Variants in OR4A16 observed in about 807,000 individuals in gnomAD.
The protein encoded by OR4A16 is olfactory receptor family 4 subfamily A member 16, also known as olfactory receptor 4A16.
For missense variants in OR4A16, 594 were observed against 390.9 expected, an observed-to-expected ratio of 1.52 and a Z score of -4.38; for synonymous variants, 210 against 138.6, an observed-to-expected ratio of 1.51 and a Z score of -3.62.
chr11:55,343,283 T>A lies in OR4A16; in HGVS notation c.83T>A (p.Met28Lys), dbSNP rs1853448507. ...DPDVKKTLFVMFLLIYIVTMV... is the reference protein window; with the variant it reads ...DPDVKKTLFVKFLLIYIVTMV... ...GATGTGAAAAAAACATTATTTGTCA[T>A]GTTTTTACTCATATACATTGTGACA... Residue 28 changes from methionine (M) to lysine (K), a missense_variant, in exon 1 of 1, where the codon ATG becomes AAG. Physicochemically the swap from Met to Lys is moderately conservative, Grantham distance 95. Coordinates refer to ENST00000314721, the MANE Select transcript of OR4A16 (RefSeq NM_001005274.1). 6.8e-6 allele frequency: 11 copies of A among 1,613,554 alleles called. No homozygotes were observed. The highest frequency in any genetic ancestry group is 9.3e-6 in the Non-Finnish European group (11 of 1,179,728).
rs147217176 is a variant in OR4A16 at position 55,343,402 on chromosome 11, G to T, written c.202G>T (p.Asp68Tyr). The T allele has an allele frequency of 2.5e-6, 4 of 1,613,844 alleles. No individual in the cohort carries two copies. Among genetic ancestry groups the T allele is most frequent in the Non-Finnish European group, 3.4e-6 (4 of 1,179,852 alleles). ...CTTCCTTGCCTACTTGTCACTTATG[G>T]ATGCCATATATTCCACTGCCATGTC... is the stretch of plus-strand genomic sequence containing the variant. ...YFFLAYLSLM[D>Y]AIYSTAMSPK... is the part of the protein sequence containing the mutation. Residue 68 changes from aspartate (D) to tyrosine (Y), a missense_variant, in exon 1 of 1, where the codon GAT (aspartate) becomes TAT (tyrosine). Physicochemically the swap from Asp to Tyr is radical, Grantham distance 160. Coordinates refer to ENST00000314721, the MANE Select transcript of OR4A16 (RefSeq NM_001005274.1).
Position 55,344,174 on chromosome 11 carries a change from C to T in OR4A16, c.974C>T (p.Thr325Ile), listed in dbSNP as rs776827498. The change falls in exon 1 of 1, where the codon ACA becomes ATA. Residue 325 changes from threonine (T) to isoleucine (I), a missense_variant. Physicochemically the swap from Thr to Ile is moderately conservative, Grantham distance 89 (BLOSUM62 -1). Transcript: ENST00000314721. ...LNIFIPSSKA[T>I]NRR ...ATATTTATTCCTAGTTCTAAGGCAA[C>T]AAATAGGCGGTAAAATACTGCAGTC... 3 of 1,578,512 alleles carry T rather than the reference C, an allele frequency of 1.9e-6. No homozygotes were observed. The highest frequency in any genetic ancestry group is 1.7e-6 in the Non-Finnish European group (2 of 1,169,714).
Position 55,344,013 on chromosome 11 carries a change from G to A in OR4A16, c.813G>A (p.Val271=). Residue 271 remains valine (V), a synonymous_variant, in exon 1 of 1, where the codon GTG becomes GTA. Coordinates refer to ENST00000314721, the MANE Select transcript of OR4A16 (RefSeq NM_001005274.1). ...SNFPFDKLMT[V]FYSIITLMLN... ...TTCCCTTTGATAAATTAATGACTGT[G>A]TTTTATTCAATTATCACACTCATGT... is the stretch of plus-strand genomic sequence containing the variant. 2.5e-6 allele frequency: 4 copies of A among 1,612,626 alleles called. No homozygotes were observed. In the South Asian group the frequency reaches 3.3e-5, roughly 13 times the overall value.
rs139070294 is a variant in OR4A16, at chr11:55,343,476, G to T, written c.276G>T (p.Leu92Phe). The T allele has an allele frequency of 1.2e-6, 2 of 1,613,752 alleles. No homozygotes were observed. The highest frequency in any genetic ancestry group is 1.7e-6 in the Non-Finnish European group (2 of 1,179,894). ...TCTGTGATAAAATCGCTATTTCCTT[G>T]TCAGCTTGCATGGGTCAGCTCTTCA... is the stretch of plus-strand genomic sequence containing the variant. Reference protein sequence around the residue: ...DLLCDKIAISLSACMGQLFIE... With the variant: ...DLLCDKIAISFSACMGQLFIE... Residue 92 changes from leucine to phenylalanine, a missense_variant, in exon 1 of 1, where the codon TTG (leucine) becomes TTT (phenylalanine). By Grantham distance (22) the Leu-to-Phe change is conservative. Transcript: ENST00000314721.
chr11:55,344,047 T>A lies in OR4A16; in HGVS notation c.847T>A (p.Leu283Ile). The A allele has an allele frequency of 6.2e-7, 1 of 1,612,854 alleles. No homozygotes were observed. Among genetic ancestry groups the A allele is most frequent in the Non-Finnish European group, 8.5e-7 (1 of 1,179,206 alleles). The change falls in exon 1 of 1, where the codon TTA becomes ATA. Residue 283 changes from leucine to isoleucine, a missense_variant. Leu to Ile is a conservative substitution (Grantham distance 5, BLOSUM62 2). Transcript: ENST00000314721. ...YSIITLMLNP[L>I]IYSLRQSEMK... ...AATTATCACACTCATGTTGAATCCT[T>A]TAATATACTCGTTGAGACAATCAGA...
Position 55,343,745 on chromosome 11 carries a change from T to C in OR4A16, c.545T>C (p.Leu182Ser). ...CACTCTGTCTGTGACATGTACCCAT[T>C]GTTGGAACTGTTGTGCCTTGACACC... ...IDHSVCDMYP[L>S]LELLCLDTYF... The change falls in exon 1 of 1, where the codon TTG becomes TCG. Residue 182 changes from leucine to serine, a missense_variant. Leu to Ser is a moderately radical substitution (Grantham distance 145, BLOSUM62 -2). Transcript: ENST00000314721. The C allele has an allele frequency of 2.5e-6, 4 of 1,613,824 alleles. No individual in the cohort carries two copies. Among genetic ancestry groups the C allele is most frequent in the Non-Finnish European group, 3.4e-6 (4 of 1,179,814 alleles).
At position 55,343,739 on chromosome 11, in the gene OR4A16, A is replaced by G. The variant is rs751869056; in HGVS notation, c.539A>G (p.Tyr180Cys). The change falls in exon 1 of 1, where the codon TAC becomes TGC. Residue 180 changes from tyrosine (Y) to cysteine (C), a missense_variant. By Grantham distance (194) the Tyr-to-Cys change is radical (BLOSUM62 -2). Coordinates refer to ENST00000314721, the MANE Select transcript of OR4A16 (RefSeq NM_001005274.1). ...ATTGACCACTCTGTCTGTGACATGT[A>G]CCCATTGTTGGAACTGTTGTGCCTT... Reference protein sequence around the residue: ...NVIDHSVCDMYPLLELLCLDT... With the variant: ...NVIDHSVCDMCPLLELLCLDT... 47 of 1,613,676 alleles carry G rather than the reference A, an allele frequency of 2.9e-5. No homozygotes were observed. The highest frequency in any genetic ancestry group is 4.0e-5 in the Non-Finnish European group (47 of 1,179,830).
rs1310750582 is a variant in OR4A16, at chr11:55,343,648, G to A, written c.448G>A (p.Gly150Ser). 5.6e-6 allele frequency: 9 copies of A among 1,613,698 alleles called. No individual in the cohort carries two copies. Among genetic ancestry groups the A allele is most frequent in the African/African-American group, 4.0e-5 (3 of 74,876 alleles). The part of the protein sequence containing the change: ...ILLLVVAMIG[G>S]FVHSVVQIVF... ...TCTGTTGGTGGTGGCCATGATTGGA[G>A]GTTTTGTGCACTCTGTGGTTCAAAT... The change falls in exon 1 of 1, where the codon GGT (glycine) becomes AGT (serine). Residue 150 changes from glycine (G) to serine (S), a missense_variant. Gly to Ser is a moderately conservative substitution (Grantham distance 56). Coordinates refer to ENST00000314721, the MANE Select transcript of OR4A16 (RefSeq NM_001005274.1).
At position 55,343,507 on chromosome 11, in the gene OR4A16, CACTT is replaced by C. The variant is rs750255280; in HGVS notation, c.312_315del (p.Leu105ValfsTer10). The C allele has an allele frequency of 2.5e-6, 4 of 1,613,916 alleles. No homozygotes were observed. Among genetic ancestry groups the C allele is most frequent in the Non-Finnish European group, 3.4e-6 (4 of 1,179,892 alleles). ...TTGCATGGGTCAGCTCTTCATAGAACACTTACTTGGTGGTGCAGAGGTCTTCCTT... is the reference window on the plus strand; with the variant it reads ...TTGCATGGGTCAGCTCTTCATAGAACACTTGGTGGTGCAGAGGTCTTCCTT... On this transcript the variant is annotated frameshift_variant, in exon 1 of 1. Coordinates refer to ENST00000314721, the MANE Select transcript of OR4A16 (RefSeq NM_001005274.1). LOFTEE classifies it low-confidence loss of function (END_TRUNC).
chr11:55,343,477 T>A lies in OR4A16; in HGVS notation c.277T>A (p.Ser93Thr). 1 of 1,613,976 alleles carries A rather than the reference T, an allele frequency of 6.2e-7. No individual in the cohort carries two copies. The highest frequency in any genetic ancestry group is 1.1e-5 in the South Asian group (1 of 91,082). ...LLCDKIAISL[S>T]ACMGQLFIEH... is the part of the protein sequence containing the mutation. ...CTGTGATAAAATCGCTATTTCCTTG[T>A]CAGCTTGCATGGGTCAGCTCTTCAT... Residue 93 changes from serine to threonine, a missense_variant, in exon 1 of 1, where the codon TCA (serine) becomes ACA (threonine). Coordinates refer to ENST00000314721, the MANE Select transcript of OR4A16 (RefSeq NM_001005274.1).
Position 55,343,385 on chromosome 11 carries a change from C to T in OR4A16, c.185C>T (p.Ala62Val). 6.3e-7 allele frequency: 1 copy of T among 1,597,992 alleles called. No individual in the cohort carries two copies. The change falls in exon 1 of 1, where the codon GCC becomes GTC. Residue 62 changes from alanine to valine, a missense_variant. Transcript: ENST00000314721. ...GGCTCCCTAATGTACTTCTTCCTTG[C>T]CTACTTGTCACTTATGGATGCCATA... Reference protein sequence around the residue: ...SLGSLMYFFLAYLSLMDAIYS... With the variant: ...SLGSLMYFFLVYLSLMDAIYS...
In OR4A16 at chr11:55,343,859, TA is replaced by T; in HGVS notation, c.662del (p.Asn221ThrfsTer48). 6.2e-7 allele frequency: 1 copy of T among 1,613,742 alleles called. No homozygotes were observed. The highest frequency in any genetic ancestry group is 8.5e-7 in the Non-Finnish European group (1 of 1,179,854). The stretch of plus-strand genomic sequence containing the variant: ...CTGCTAATCTCCTGTGGAGTCATCC[TA>T]AACTTCCTTAAAACTTACAGTCAGG... ...TFLLISCGVILNFLKTYSQEE... is the reference protein window; with the variant it reads ...TFLLISCGVIXNFLKTYSQEE... On this transcript the variant is annotated frameshift_variant, in exon 1 of 1. Transcript: ENST00000314721. LOFTEE classifies it low-confidence loss of function (END_TRUNC).
rs1853447702 is a variant in OR4A16, at chr11:55,343,260, T to A, written c.60T>A (p.Asp20Glu). The change falls in exon 1 of 1, where the codon GAT (aspartate) becomes GAA (glutamate). Residue 20 changes from aspartate to glutamate, a missense_variant. By Grantham distance (45) the Asp-to-Glu change is conservative (BLOSUM62 2). Transcript: ENST00000314721. The stretch of plus-strand genomic sequence containing the variant: ...TCCTGGGCCTCACTCAAGATCCTGA[T>A]GTGAAAAAAACATTATTTGTCATGT... ...FVLLGLTQDP[D>E]VKKTLFVMFL... The A allele has an allele frequency of 6.2e-7, 1 of 1,612,640 alleles. No homozygotes were observed.
In OR4A16 at chr11:55,343,714, A is replaced by G. The variant is rs1565103803; in HGVS notation, c.514A>G (p.Ile172Val). 1 of 1,613,800 alleles carries G rather than the reference A, an allele frequency of 6.2e-7. No individual in the cohort carries two copies. The highest frequency in any genetic ancestry group is 8.5e-7 in the Non-Finnish European group (1 of 1,179,862). The stretch of plus-strand genomic sequence containing the variant: ...TCTACCAATCTGTGGCCCCAATGTT[A>G]TTGACCACTCTGTCTGTGACATGTA... Reference protein sequence around the residue: ...YSLPICGPNVIDHSVCDMYPL... With the variant: ...YSLPICGPNVVDHSVCDMYPL... The change falls in exon 1 of 1, where the codon ATT (isoleucine) becomes GTT (valine). Residue 172 changes from isoleucine to valine, a missense_variant. Physicochemically the swap from Ile to Val is conservative, Grantham distance 29 (BLOSUM62 3). Transcript: ENST00000314721.
chr11:55,343,525 G>T lies in OR4A16; in HGVS notation c.325G>T (p.Glu109Ter). The change falls in exon 1 of 1, where the codon GAG becomes TAG. Residue 109 changes from glutamate (E) to a stop codon, truncating the protein, a stop_gained. Transcript: ENST00000314721. LOFTEE classifies it low-confidence loss of function (END_TRUNC). ...LFIEHLLGGA[E>*]VFLLVVMAYD... ...CATAGAACACTTACTTGGTGGTGCA[G>T]AGGTCTTCCTTTTGGTGGTGATGGC... The T allele has an allele frequency of 6.2e-7, 1 of 1,613,954 alleles. No individual in the cohort carries two copies. The highest frequency in any genetic ancestry group is 8.5e-7 in the Non-Finnish European group (1 of 1,179,902).
rs770462778 is a variant in OR4A16 at position 55,343,848 on chromosome 11, T to C, written c.648T>C (p.Cys216=). The C allele has an allele frequency of 1.9e-6, 3 of 1,613,818 alleles. No individual in the cohort carries two copies. Among genetic ancestry groups the C allele is most frequent in the Non-Finnish European group, 1.7e-6 (2 of 1,179,898 alleles). Residue 216 remains cysteine, a synonymous_variant, in exon 1 of 1, where the codon TGT becomes TGC. Coordinates refer to ENST00000314721, the MANE Select transcript of OR4A16 (RefSeq NM_001005274.1). ...MVIFTFLLIS[C]GVILNFLKTY... ...TCTTTACCTTTCTGCTAATCTCCTG[T>C]GGAGTCATCCTAAACTTCCTTAAAA...
In OR4A16 at chr11:55,343,946, T is replaced by C. The variant is rs376009802; in HGVS notation, c.746T>C (p.Phe249Ser). Residue 249 changes from phenylalanine (F) to serine (S), a missense_variant, in exon 1 of 1, where the codon TTT becomes TCT. Physicochemically the swap from Phe to Ser is radical, Grantham distance 155. Coordinates refer to ENST00000314721, the MANE Select transcript of OR4A16 (RefSeq NM_001005274.1). ...ISHIIVVALVFVPCIFMYVRP... is the reference protein window; with the variant it reads ...ISHIIVVALVSVPCIFMYVRP... ...CACATCATTGTGGTTGCCCTCGTTT[T>C]TGTTCCCTGTATTTTTATGTATGTT... The C allele has an allele frequency of 2.5e-6, 4 of 1,613,744 alleles. No homozygotes were observed. In the African/African-American group the frequency reaches 4.0e-5, roughly 16 times the overall value.
In OR4A16 at chr11:55,343,705, C is replaced by G; in HGVS notation, c.505C>G (p.Pro169Ala). Residue 169 changes from proline to alanine, a missense_variant, in exon 1 of 1, where the codon CCC (proline) becomes GCC (alanine). Pro to Ala is a conservative substitution (Grantham distance 27). Transcript: ENST00000314721. ...VFLYSLPICG[P>A]NVIDHSVCDM... ...TCTGTACAGTCTACCAATCTGTGGC[C>G]CCAATGTTATTGACCACTCTGTCTG... 1 of 1,613,756 alleles carries G rather than the reference C, an allele frequency of 6.2e-7. No individual in the cohort carries two copies. The highest frequency in any genetic ancestry group is 8.5e-7 in the Non-Finnish European group (1 of 1,179,872).
In OR4A16 at chr11:55,343,418, C is replaced by A. The variant is rs752331417; in HGVS notation, c.218C>A (p.Thr73Asn). 3 of 1,613,878 alleles carry A rather than the reference C, an allele frequency of 1.9e-6. No homozygotes were observed. Among genetic ancestry groups the A allele is most frequent in the South Asian group, 1.1e-5 (1 of 91,080 alleles). Residue 73 changes from threonine to asparagine, a missense_variant, in exon 1 of 1, where the codon ACT becomes AAT. By Grantham distance (65) the Thr-to-Asn change is moderately conservative (BLOSUM62 0). Transcript: ENST00000314721. ...TCACTTATGGATGCCATATATTCCA[C>A]TGCCATGTCACCCAAATTGATGATA... is the stretch of plus-strand genomic sequence containing the variant. ...YLSLMDAIYSTAMSPKLMIDL... is the reference protein window; with the variant it reads ...YLSLMDAIYSNAMSPKLMIDL...
Sources: gnomAD v4.1 joint callset for allele counts on GRCh38, gnomAD v4.1.1 for gene constraint, MANE v1.5 for transcripts, NCBI Gene and HGNC (gene_info 2026-07-23, HGNC 2026-07-21) for gene names.